Variants in MAN2A1 observed in about 807,000 individuals in gnomAD.
MAN2A1 encodes the protein alpha-mannosidase 2.
In MAN2A1, 76 loss-of-function variants were observed where a neutral mutation model predicts 142.6. The ratio of observed to expected loss-of-function variants is 0.53; its 90% confidence interval spans 0.44 to 0.65. The LOEUF is 0.65. MAN2A1 is among the 30% of genes least tolerant of loss of function. The pLI, the probability that MAN2A1 is intolerant of heterozygous loss-of-function variation, is 0.00. For synonymous variants in MAN2A1, 559 were observed against 473.2 expected, an observed-to-expected ratio of 1.18 and a Z score of -2.35; for missense variants, 1,311 against 1,365.1, an observed-to-expected ratio of 0.96 and a Z score of 0.62.
chr5:109,845,890 A>G lies in MAN2A1; in HGVS notation c.2726A>G (p.Lys909Arg). ...ATTCAACCTAGAATGACACTGAGCAAATTGCCTCTTCAAGCAAATGTCTAT... is the reference window on the plus strand; with the variant it reads ...ATTCAACCTAGAATGACACTGAGCAGATTGCCTCTTCAAGCAAATGTCTAT... Reference protein sequence around the residue: ...YQIQPRMTLSKLPLQANVYPM... With the variant: ...YQIQPRMTLSRLPLQANVYPM... The change falls in exon 18 of 22, where the codon AAA becomes AGA. Residue 909 changes from lysine (K) to arginine (R), a missense_variant. This residue lies in a region of MAN2A1 where 890 missense variants were observed against 920.5 expected (regional missense o/e 0.97). Transcript: ENST00000261483. 1 of 1,613,526 alleles carries G rather than the reference A, an allele frequency of 6.2e-7. No homozygotes were observed.
chr5:109,865,419 A>C, intron 21 of MAN2A1: 1 of 389,776 alleles, frequency 2.6e-6, no homozygotes, highest in Non-Finnish European at 4.8e-6. Context: ...CCAGCCTACA[A>C]AGTGCCTTGC....
chr5:109,752,347 ATAC>A (rs954747870), intron 4 of MAN2A1, among the ~76,000 whole-genome samples: 1 of 152,152 alleles, frequency 6.6e-6, no homozygotes, highest in Non-Finnish European at 1.5e-5. Flanking sequence ...CTGTAGGTAA[ATAC>A]TAATATTAAA....
rs934176424 is a variant in MAN2A1 at position 109,865,291 on chromosome 5, C to G, written c.3282+145C>G. ...TGCAAATTAGTTTGAATCTCCCCAT[C>G]TGAAAAATGCACTTTCTCAAAACTT... On this transcript the variant is annotated intron_variant, in intron 21 of 21. Coordinates refer to ENST00000261483, the MANE Select transcript of MAN2A1 (RefSeq NM_002372.4). The G allele has an allele frequency of 8.0e-6, 5 of 627,190 alleles. No individual in the cohort carries two copies. In the South Asian group the frequency reaches 8.3e-5, roughly 10 times the overall value. The allele number at this position is 627,190 out of a possible 1,614,324, so 38.9% of individuals were successfully genotyped here.
At chr5:109,744,511 G>A (rs550825976) in intron 4 of MAN2A1, among the ~76,000 whole-genome samples, 1 of 152,244 alleles carries the variant, frequency 6.6e-6, no homozygotes, top group South Asian at 2.1e-4. Context: ...GGGTGTGTGT[G>A]TAGAAGCTGG....
rs780557940 is a variant in MAN2A1, at chr5:109,690,493, C to T, written c.76C>T (p.Leu26=). The change falls in exon 1 of 22, where the codon CTG becomes TTG. Residue 26 remains leucine, a synonymous_variant. Transcript: ENST00000261483. ...CVVIFSLYLM[L]DRGHLDYPRN... ...GGTGATTTTCTCGCTCTACCTGATG[C>T]TGGACCGGGGTCACTTAGACTACCC... 2 of 1,613,900 alleles carry T rather than the reference C, an allele frequency of 1.2e-6. No homozygotes were observed. The highest frequency in any genetic ancestry group is 2.2e-5 in the South Asian group (2 of 91,066).
At chr5:109,858,864 C>T (rs1260127995) in intron 20 of MAN2A1, among the ~76,000 whole-genome samples, 1 of 152,190 alleles carries the variant, frequency 6.6e-6, no homozygotes, top group African/African-American at 2.4e-5. Flanking sequence ...GTTATAGATT[C>T]GAAGAACAGT....
chr5:109,804,252 A>T, intron 12 of MAN2A1: 1 of 987,422 alleles, frequency 1.0e-6, no homozygotes, highest in Middle Eastern at 2.8e-4. Context: ...CCCATCTTGG[A>T]CTTCAGAACA....
intron 3 of MAN2A1, among the ~76,000 whole-genome samples, chr5:109,717,320 A>G (rs1385378810): frequency 1.3e-5 from 2 of 152,098 alleles, no homozygotes; most frequent in Non-Finnish European, 2.9e-5. Flanking sequence ...GTCTGGACAC[A>G]TGATTTAGTG....
intron 12 of MAN2A1, among the ~76,000 whole-genome samples, chr5:109,809,146 CTAACAA>C (rs1169527715): frequency 2.6e-5 from 4 of 152,136 alleles, no homozygotes; most frequent in Middle Eastern, 3.4e-3. Context: ...ATGCTGCCAC[CTAACAA>C]TAAGTATTGC....
intron 4 of MAN2A1, among the ~76,000 whole-genome samples, chr5:109,735,157 G>T (rs60193383): frequency 2.6e-5 from 4 of 151,500 alleles, no homozygotes; most frequent in African/African-American, 9.7e-5. Context: ...GATCTTTGTT[G>T]GTTTAAAGTC....
chr5:109,730,568 A>AG (rs397793929), intron 4 of MAN2A1, among the ~76,000 whole-genome samples: 1 of 151,620 alleles, frequency 6.6e-6, no homozygotes, highest in African/African-American at 2.4e-5. Flanking sequence ...ATTAAAAAAA[A>AG]TACGTTACGA....
chr5:109,780,586 T>C (rs1196427104), intron 8 of MAN2A1, among the ~76,000 whole-genome samples: 1 of 151,968 alleles, frequency 6.6e-6, no homozygotes, highest in Non-Finnish European at 1.5e-5. Flanking sequence ...CATCTTTCTT[T>C]TAAAAGGAAC....
rs1755380829 is a variant in MAN2A1, at chr5:109,847,804, A to G, written c.2976+14A>G. On this transcript the variant is annotated intron_variant, in intron 19 of 21. Transcript: ENST00000261483. ...GCTGTTAATACGGTATGAAAAAATA[A>G]CTAGCATGATCTGATATTGATTGTT... 6.6e-7 allele frequency: 1 copy of G among 1,515,036 alleles called. No individual in the cohort carries two copies. The allele number at this position is 1,515,036 out of a possible 1,614,324, so 93.8% of individuals were successfully genotyped here.
At chr5:109,783,933 C>G (rs969992537) in intron 9 of MAN2A1, among the ~76,000 whole-genome samples, 8 of 151,772 alleles carry the variant, frequency 5.3e-5, no homozygotes, top group African/African-American at 1.7e-4. Flanking sequence ...TAGTGTGATC[C>G]TAGTTCACTG....
At chr5:109,837,690 C>T (rs779686171) in intron 16 of MAN2A1, among the ~76,000 whole-genome samples, 3 of 152,120 alleles carry the variant, frequency 2.0e-5, no homozygotes, top group African/African-American at 7.2e-5. Flanking sequence ...ACTCAGCATA[C>T]GTTTACCACC....
At chr5:109,836,300 A>G (rs1209469526) in intron 16 of MAN2A1, among the ~76,000 whole-genome samples, 1 of 151,334 alleles carries the variant, frequency 6.6e-6, no homozygotes, top group Non-Finnish European at 1.5e-5. Context: ...TTTTTTTAGT[A>G]AAGACAGTGT....
chr5:109,769,061 G>A (rs562170907), intron 6 of MAN2A1, among the ~76,000 whole-genome samples: 29 of 152,244 alleles, frequency 1.9e-4, no homozygotes, highest in Middle Eastern at 3.4e-3. Context: ...AAAGAGTAGC[G>A]CATAAGGAGA....
rs572478758 is a variant in MAN2A1, at chr5:109,702,908, CT to C, written c.136-10609del. ...AGGCAATAGGAAAGAATTTGTAAAA[CT>C]TTAGAGTCTGTAGTGCTTGTATAAA... On this transcript the variant is annotated intron_variant, in intron 1 of 21. Coordinates refer to ENST00000261483, the MANE Select transcript of MAN2A1 (RefSeq NM_002372.4). 2.5e-3 allele frequency among the ~76,000 whole-genome samples: 381 copies of C among 152,218 alleles called. 1 individual carries two copies. Among genetic ancestry groups the C allele is most frequent in the African/African-American group, 8.7e-3 (362 of 41,544 alleles).
At chr5:109,807,349 T>C (rs1374803316) in intron 12 of MAN2A1, among the ~76,000 whole-genome samples, 1 of 152,240 alleles carries the variant, frequency 6.6e-6, no homozygotes, top group South Asian at 2.1e-4. Context: ...AGTTTCCTGT[T>C]GCTGCTATAA....
Sources: allele counts gnomAD v4.1 joint callset (sites outside exome capture counted in the v4.1 genomes callset), GRCh38; gene constraint gnomAD v4.1.1; regional missense constraint gnomAD v4.1.1; transcripts MANE v1.5; gene names NCBI Gene and HGNC (gene_info 2026-07-23, HGNC 2026-07-21).